The following PFDN2 variants were observed in gnomAD, a reference collection of about 807,000 sequenced individuals.
The protein encoded by PFDN2 is prefoldin 2.
In PFDN2, 7 loss-of-function variants were observed where a neutral mutation model predicts 18.3. That is an observed-to-expected ratio of 0.38 (90% CI 0.22 to 0.72). PFDN2 has a LOEUF of 0.72. PFDN2 is among the 30% of genes least tolerant of loss of function. PFDN2 has a pLI of 0.47. For missense variants in PFDN2, 181 were observed against 199.1 expected (o/e 0.91, Z 0.55); for synonymous variants, 76 against 75.0 (o/e 1.01, Z -0.07).
chr1:161,101,961 G>A (rs766494565), intron 3 of PFDN2, 87 bp downstream of exon 3: 69 of 1,410,956 alleles, frequency 4.9e-5, no homozygotes, highest in Middle Eastern at 3.6e-4. Flanking sequence ...TCGAACTCCC[G>A]GACTCAAAGA....
rs1455432412 is a variant in PFDN2 at position 161,102,147 on chromosome 1, C to T, written c.189G>A (p.Glu63=). 1 of 1,614,112 alleles carries T rather than the reference C, an allele frequency of 6.2e-7. No individual in the cohort carries two copies. Among genetic ancestry groups the T allele is most frequent in the African/African-American group, 1.3e-5 (1 of 74,944 alleles). Residue 63 remains glutamate (E), a synonymous_variant, in exon 3 of 4, where the codon GAG becomes GAA. Transcript: ENST00000368010. ...GGTAGCACTTACGAGTTTCATCTAC[C>T]TCCTTCAGTGTATCGATCACTAGGC... is the stretch of plus-strand genomic sequence containing the variant. ...EHSLVIDTLK[E]VDETRKCYRM...
At chr1:161,107,464 C>T (rs567321256) in intron 1 of PFDN2, among the ~76,000 whole-genome samples, 23 of 149,350 alleles carry the variant, frequency 1.5e-4, no homozygotes, top group African/African-American at 5.2e-4. Flanking sequence ...TAATCCTCTG[C>T]GTTAGAACAT....
intron 1 of PFDN2, among the ~76,000 whole-genome samples, chr1:161,116,210 C>G (rs1654913619): frequency 6.6e-6 from 1 of 151,748 alleles, no homozygotes; most frequent in Non-Finnish European, 1.5e-5. Flanking sequence ...GCCTGAGCAA[C>G]GAAGTGAAAC....
At chr1:161,107,002 G>T (rs1243482025) in intron 1 of PFDN2, among the ~76,000 whole-genome samples, 1 of 149,784 alleles carries the variant, frequency 6.7e-6, no homozygotes, top group African/African-American at 2.5e-5. Flanking sequence ...CAGAGACAGG[G>T]TTTTGCCATA....
At chr1:161,109,479 A>C (rs1654752755) in intron 1 of PFDN2, among the ~76,000 whole-genome samples, 1 of 152,190 alleles carries the variant, frequency 6.6e-6, no homozygotes, top group Non-Finnish European at 1.5e-5. Flanking sequence ...TAAAATTGTA[A>C]ATATGCAAAT....
At chr1:161,101,358 CCCAG>C (rs1385526130) in intron 3 of PFDN2, among the ~76,000 whole-genome samples, 2 of 151,926 alleles carry the variant, frequency 1.3e-5, no homozygotes, top group Non-Finnish European at 2.9e-5. Context: ...CACCACAACG[CCCAG>C]CCAATTTTTC....
chr1:161,114,154 A>G (rs1654861660), intron 1 of PFDN2, among the ~76,000 whole-genome samples: 1 of 152,236 alleles, frequency 6.6e-6, no homozygotes, highest in South Asian at 2.1e-4. Flanking sequence ...TCTCCAACTC[A>G]GATTTCTTAC....
intron 1 of PFDN2, among the ~76,000 whole-genome samples, chr1:161,113,778 T>C (rs1162685418): frequency 6.6e-6 from 1 of 152,166 alleles, no homozygotes; most frequent in Non-Finnish European, 1.5e-5. Flanking sequence ...TGAGACCCTG[T>C]CTCAGTCAGT....
chr1:161,117,585 G>C (rs945258029), intron 1 of PFDN2, among the ~76,000 whole-genome samples: 2 of 152,154 alleles, frequency 1.3e-5, no homozygotes, highest in Non-Finnish European at 2.9e-5. Context: ...CAGCCAGCCC[G>C]TTAACTAATT....
In PFDN2 at chr1:161,118,008, G is replaced by C. The variant is rs565609283; in HGVS notation, c.19C>G (p.Arg7Gly). The C allele has an allele frequency of 6.2e-7, 1 of 1,612,140 alleles. No homozygotes were observed. The highest frequency in any genetic ancestry group is 1.3e-5 in the African/African-American group (1 of 74,978). The part of the protein sequence containing the change: MAENSG[R>G]AGKSSGSGAG... ...CCGCTCCCGCTGCTCTTGCCGGCGCGACCGCTGTTCTCCGCCATCTTCGCC... is the reference window on the plus strand; with the variant it reads ...CCGCTCCCGCTGCTCTTGCCGGCGCCACCGCTGTTCTCCGCCATCTTCGCC... The change falls in exon 1 of 4, where the codon CGC (arginine) becomes GGC (glycine). Residue 7 changes from arginine (R) to glycine (G), a missense_variant. By Grantham distance (125) the Arg-to-Gly change is moderately radical. Transcript: ENST00000368010.
Position 161,117,474 on chromosome 1 carries a change from A to G in PFDN2, c.75+478T>C, listed in dbSNP as rs550720392. On this transcript the variant is annotated intron_variant, in intron 1 of 3. Coordinates refer to ENST00000368010, the MANE Select transcript of PFDN2 (RefSeq NM_012394.4). ...TCTAGTAATGAACTCCCGAATTAAA[A>G]TAGTATATAGAACACTAGGCTGTTC... 1.1e-4 allele frequency among the ~76,000 whole-genome samples: 17 copies of G among 152,334 alleles called. 3 individuals carry two copies. Among genetic ancestry groups the G allele is most frequent in the Admixed American group, 9.8e-4 (15 of 15,306 alleles).
rs1157564705 is a variant in PFDN2, at chr1:161,100,640, G to C, written c.*43C>G. ...TAATAATAACAATAAAGAGAAATTA[G>C]AAGTGGGAGTCAGGGTAGAAAAAAA... is the stretch of plus-strand genomic sequence containing the variant. On this transcript the variant is annotated 3_prime_UTR_variant, in exon 4 of 4. Coordinates refer to ENST00000368010, the MANE Select transcript of PFDN2 (RefSeq NM_012394.4). 2.4e-6 allele frequency: 3 copies of C among 1,264,124 alleles called. No individual in the cohort carries two copies. Among genetic ancestry groups the C allele is most frequent in the Non-Finnish European group, 3.3e-6 (3 of 910,546 alleles). The allele number at this position is 1,264,124 out of a possible 1,614,324, so 78.3% of individuals were successfully genotyped here.
intron 1 of PFDN2, among the ~76,000 whole-genome samples, chr1:161,106,282 A>T (rs1291864292): frequency 2.0e-5 from 3 of 152,138 alleles, no homozygotes; most frequent in Non-Finnish European, 4.4e-5. Flanking sequence ...TGAGCCAATT[A>T]AACCACTTTT....
chr1:161,109,802 T>C lies in PFDN2; in HGVS notation c.76-7427A>G, dbSNP rs1654764225. Among the ~76,000 whole-genome samples, 3 of 152,296 alleles carry C rather than the reference T, an allele frequency of 2.0e-5. No individual in the cohort carries two copies. In the East Asian group the frequency reaches 5.8e-4, roughly 29 times the overall value. ...TCAGGCCAGGAGTTCGAGACCAGTC[T>C]GGCTAACATGGTGAAACCCTGCAGA... On this transcript the variant is annotated intron_variant, in intron 1 of 3. Coordinates refer to ENST00000368010, the MANE Select transcript of PFDN2 (RefSeq NM_012394.4).
chr1:161,104,411 T>C (rs1382859512), intron 1 of PFDN2, among the ~76,000 whole-genome samples: 2 of 151,834 alleles, frequency 1.3e-5, no homozygotes, highest in African/African-American at 2.4e-5. Flanking sequence ...ACTTCATCTT[T>C]ACTAGGGCCC....
Position 161,103,545 on chromosome 1 carries a change from C to T in PFDN2, c.76-1170G>A, listed in dbSNP as rs1452689315. Among the ~76,000 whole-genome samples, 7 of 151,422 alleles carry T rather than the reference C, an allele frequency of 4.6e-5. No homozygotes were observed. In the East Asian group the frequency reaches 5.8e-4, roughly 13 times the overall value. The stretch of plus-strand genomic sequence containing the variant: ...TCTACTAAAATACAAAAAAATTAGC[C>T]GGGCATGGTGGCATGTGCCTGTAGT... On this transcript the variant is annotated intron_variant, in intron 1 of 3. Coordinates refer to ENST00000368010, the MANE Select transcript of PFDN2 (RefSeq NM_012394.4).
In PFDN2 at chr1:161,118,007, C is replaced by T. The variant is rs760330512; in HGVS notation, c.20G>A (p.Arg7His). The T allele has an allele frequency of 4.3e-6, 7 of 1,612,200 alleles. No individual in the cohort carries two copies. In the East Asian group the frequency reaches 8.9e-5, roughly 21 times the overall value. ...GCCGCTCCCGCTGCTCTTGCCGGCGCGACCGCTGTTCTCCGCCATCTTCGC... is the reference window on the plus strand; with the variant it reads ...GCCGCTCCCGCTGCTCTTGCCGGCGTGACCGCTGTTCTCCGCCATCTTCGC... MAENSG[R>H]AGKSSGSGAG... The change falls in exon 1 of 4, where the codon CGC becomes CAC. Residue 7 changes from arginine to histidine, a missense_variant. Physicochemically the swap from Arg to His is conservative, Grantham distance 29 (BLOSUM62 0). Transcript: ENST00000368010.
intron 1 of PFDN2, among the ~76,000 whole-genome samples, chr1:161,107,418 CTG>C (rs1187199030): frequency 4.6e-5 from 5 of 109,704 alleles, no homozygotes; most frequent in Non-Finnish European, 8.8e-5. Flanking sequence ...GAGCGAGACT[CTG>C]TCTCAAAAAA....
Position 161,102,283 on chromosome 1 carries a change from T to C in PFDN2, c.164+4A>G. The C allele has an allele frequency of 6.2e-7, 1 of 1,613,918 alleles. No homozygotes were observed. Among genetic ancestry groups the C allele is most frequent in the Non-Finnish European group, 8.5e-7 (1 of 1,179,760 alleles). ...TACTGTTTGCCTCTCCCTGACTTTC[T>C]CACCTGTGCTCATTCAACTCCATCT... On this transcript the variant is annotated splice_donor_region_variant and intron_variant, in intron 2 of 3. Coordinates refer to ENST00000368010, the MANE Select transcript of PFDN2 (RefSeq NM_012394.4).
Sources: gnomAD v4.1 joint callset for allele counts (sites outside exome capture counted in the v4.1 genomes callset) on GRCh38, gnomAD v4.1.1 for gene constraint, MANE v1.5 for transcripts, NCBI Gene and HGNC (gene_info 2026-07-23, HGNC 2026-07-21) for gene names.